Variants in DOK6 observed in about 807,000 individuals in gnomAD.
DOK6 encodes the protein downstream of tyrosine kinase 6.
In DOK6, 22 loss-of-function variants were observed where a neutral mutation model predicts 44.0. That is an observed-to-expected ratio of 0.50 (90% CI 0.36 to 0.71). The LOEUF is 0.71. DOK6 is among the 30% of genes least tolerant of loss of function. DOK6 has a pLI of 0.00. For missense variants in DOK6, 340 were observed against 416.4 expected, an observed-to-expected ratio of 0.82 and a Z score of 1.60; for synonymous variants, 166 against 145.5, an observed-to-expected ratio of 1.14 and a Z score of -1.01.
intron 4 of DOK6, among the ~76,000 whole-genome samples, chr18:69,695,882 T>C (rs1986378324): frequency 6.6e-6 from 1 of 152,002 alleles, no homozygotes; most frequent in South Asian, 2.1e-4. Flanking sequence ...ACAAGAAGGG[T>C]TGACTTGAGT....
chr18:69,762,748 C>T (rs1979602252), intron 7 of DOK6, among the ~76,000 whole-genome samples: 1 of 152,152 alleles, frequency 6.6e-6, no homozygotes. Context: ...TAGTAAGACA[C>T]CTATAACTTC....
intron 1 of DOK6, among the ~76,000 whole-genome samples, chr18:69,472,511 C>T (rs1980142902): frequency 6.6e-6 from 1 of 152,204 alleles, no homozygotes; most frequent in South Asian, 2.1e-4. Flanking sequence ...TTGCAATAGA[C>T]AAAAGGTGGC....
chr18:69,526,856 T>G (rs1981845010), intron 1 of DOK6, among the ~76,000 whole-genome samples: 1 of 152,214 alleles, frequency 6.6e-6, no homozygotes. Flanking sequence ...TATATACATA[T>G]ATCCGTAAAT....
chr18:69,460,808 T>C (rs959159819), intron 1 of DOK6, among the ~76,000 whole-genome samples: 7 of 152,340 alleles, frequency 4.6e-5, no homozygotes, highest in African/African-American at 1.4e-4. Flanking sequence ...ATAAGCATCA[T>C]TTAAAAGCCT....
intron 5 of DOK6, among the ~76,000 whole-genome samples, chr18:69,707,500 C>G (rs1986661023): frequency 6.6e-6 from 1 of 152,118 alleles, no homozygotes; most frequent in South Asian, 2.1e-4. Flanking sequence ...ATTTCAGTGC[C>G]CTGTATCTTA....
intron 1 of DOK6, among the ~76,000 whole-genome samples, chr18:69,555,738 C>T (rs949449266): frequency 6.6e-6 from 1 of 152,190 alleles, no homozygotes; most frequent in South Asian, 2.1e-4. Flanking sequence ...CAGTTTCTCT[C>T]ATGTTCCGTG....
Position 69,517,727 on chromosome 18 carries a change from TG to T in DOK6, c.67-46758del, listed in dbSNP as rs1175815372. Among the ~76,000 whole-genome samples the T allele has an allele frequency of 1.3e-3, 95 of 72,694 alleles. 3 individuals carry two copies. Among genetic ancestry groups the T allele is most frequent in the Non-Finnish European group, 8.9e-5 (2 of 22,382 alleles). 47.7% of individuals were successfully genotyped at this position (72,694 alleles called of 152,430 possible). On this transcript the variant is annotated intron_variant, in intron 1 of 7. Coordinates refer to ENST00000382713, the MANE Select transcript of DOK6 (RefSeq NM_152721.6). Reference sequence around the variant, plus strand: ...TATTCAAGAGTTGTGCTATACAGCTTGGTTTTTTTTTTTTTAATTTCCCATA... The same window carrying T: ...TATTCAAGAGTTGTGCTATACAGCTTGTTTTTTTTTTTTTAATTTCCCATA...
intron 1 of DOK6, among the ~76,000 whole-genome samples, chr18:69,551,162 A>C (rs551063268): frequency 6.6e-6 from 1 of 152,334 alleles, no homozygotes; most frequent in African/African-American, 2.4e-5. Context: ...TATAGTGATA[A>C]GTGTATGGAC....
At chr18:69,581,761 T>C (rs537456728) in intron 2 of DOK6, among the ~76,000 whole-genome samples, 2 of 152,338 alleles carry the variant, frequency 1.3e-5, no homozygotes, top group East Asian at 3.9e-4. Flanking sequence ...GAGGTACATT[T>C]CTGGCAAATG....
chr18:69,650,080 A>G (rs1372546350), intron 3 of DOK6, among the ~76,000 whole-genome samples: 4 of 152,126 alleles, frequency 2.6e-5, no homozygotes, highest in African/African-American at 9.7e-5. Flanking sequence ...TTGCCTTGTC[A>G]CCCAGTGAGA....
Position 69,848,341 on chromosome 18 carries a change from C to A in DOK6, c.*6958C>A, listed in dbSNP as rs1382375417. 6.6e-6 allele frequency: 1 copy of A among 151,904 alleles called. No individual in the cohort carries two copies. Among genetic ancestry groups the A allele is most frequent in the African/African-American group, 2.4e-5 (1 of 41,332 alleles). The allele number at this position is 151,904 out of a possible 1,614,324, so 9.4% of individuals were successfully genotyped here. A position where few individuals can be genotyped will look rare whatever the true frequency, so the allele number is the denominator to read the frequency against. On this transcript the variant is annotated 3_prime_UTR_variant, in exon 8 of 8. Coordinates refer to ENST00000382713, the MANE Select transcript of DOK6 (RefSeq NM_152721.6). ...ATAAGAAATAACTTTGGACATTAGG[C>A]CCTTGTTAAGAAATAAAACACCCAT...
chr18:69,648,300 G>T (rs1985135747), intron 3 of DOK6, among the ~76,000 whole-genome samples: 2 of 152,104 alleles, frequency 1.3e-5, no homozygotes, highest in South Asian at 4.1e-4. Context: ...ACAAACCAAG[G>T]TTACAGTGTA....
chr18:69,569,611 T>G (rs1983066379), intron 2 of DOK6, among the ~76,000 whole-genome samples: 1 of 152,232 alleles, frequency 6.6e-6, no homozygotes. Context: ...AGAATGGGAT[T>G]TAAAACCAGC....
chr18:69,690,570 AGAATGATCTT>A (rs1986242669), intron 4 of DOK6, among the ~76,000 whole-genome samples: 1 of 152,232 alleles, frequency 6.6e-6, no homozygotes, highest in Admixed American at 6.5e-5. Flanking sequence ...TATAAAGAAC[AGAATGATCTT>A]GAAATGTCTC....
intron 1 of DOK6, among the ~76,000 whole-genome samples, chr18:69,466,500 A>G (rs77308379): frequency 4.5e-4 from 68 of 152,296 alleles, no homozygotes; most frequent in Middle Eastern, 3.4e-3. Context: ...TCCCCGAGAT[A>G]GTGTTTTTAT....
intron 7 of DOK6, among the ~76,000 whole-genome samples, chr18:69,812,919 C>T (rs1286004338): frequency 6.6e-6 from 1 of 152,060 alleles, no homozygotes; most frequent in Admixed American, 6.6e-5. Flanking sequence ...TACATCTGGT[C>T]TCTCCTAGGT....
intron 5 of DOK6, among the ~76,000 whole-genome samples, chr18:69,732,777 T>C (rs754777263): frequency 1.3e-5 from 2 of 152,144 alleles, no homozygotes; most frequent in Non-Finnish European, 2.9e-5. Flanking sequence ...AAAAGCTGAA[T>C]TTTAGAGAGG....
chr18:69,732,073 T>G (rs557679842), intron 5 of DOK6, among the ~76,000 whole-genome samples: 2 of 152,336 alleles, frequency 1.3e-5, no homozygotes, highest in African/African-American at 4.8e-5. Context: ...AAACAATGTT[T>G]CTTTTATAAT....
At chr18:69,647,624 C>T (rs1271003128) in intron 3 of DOK6, 1 of 152,222 alleles carries the variant, frequency 6.6e-6, no homozygotes, top group Non-Finnish European at 1.5e-5. Flanking sequence ...GTTTCTTGAA[C>T]ACTCTACTCC....
Sources: gnomAD v4.1 joint callset for allele counts (sites outside exome capture counted in the v4.1 genomes callset) on GRCh38, gnomAD v4.1.1 for gene constraint, MANE v1.5 for transcripts, NCBI Gene and HGNC (gene_info 2026-07-23, HGNC 2026-07-21) for gene names.